The following C2CD2 variants were observed in gnomAD, a reference collection of about 807,000 sequenced individuals.
The protein encoded by C2CD2 is C2 domain-containing protein 2.
C2CD2 carries 43 observed loss-of-function variants against 74.3 expected under a neutral mutation model. That is an observed-to-expected ratio of 0.58 (90% CI 0.45 to 0.75). The LOEUF is 0.75. C2CD2 is among the 30% of genes least tolerant of loss of function. C2CD2 has a pLI of 0.00. For synonymous variants in C2CD2, 422 were observed against 390.7 expected (o/e 1.08, Z -0.94); for missense variants, 801 against 916.3 (o/e 0.87, Z 1.63).
At position 41,953,066 on chromosome 21, in the gene C2CD2, G is replaced by A. The variant is rs375221011; in HGVS notation, c.279+304C>T. On this transcript the variant is annotated intron_variant, in intron 1 of 13. Transcript: ENST00000380486. ...AATTCGCCCCGGGACTCCAGGCAAG[G>A]CAGGTACTGGCTGGCGCGGATGAGC... 2,711 of 342,358 alleles carry A rather than the reference G, an allele frequency of 7.9e-3. 21 individuals carry two copies. The highest frequency in any genetic ancestry group is 0.025 in the South Asian group (168 of 6,622). The allele number at this position is 342,358 out of a possible 1,614,324, so 21.2% of individuals were successfully genotyped here.
At chr21:41,906,005 G>A (rs977924671) in intron 10 of C2CD2, among the ~76,000 whole-genome samples, 168 bp from the exon 11 acceptor site, 5 of 152,206 alleles carry the variant, frequency 3.3e-5, no homozygotes, top group Non-Finnish European at 5.9e-5. Context: ...GTGGTGTCTG[G>A]AGTCCAGGTT....
intron 2 of C2CD2, among the ~76,000 whole-genome samples, chr21:41,934,911 G>T (rs146360007): frequency 6.6e-6 from 1 of 150,942 alleles, no homozygotes; most frequent in African/African-American, 2.4e-5. Context: ...TGTTTTTCCC[G>T]AGTAGAGTCT....
intron 8 of C2CD2, chr21:41,908,846 A>G (rs1038859803): frequency 1.3e-5 from 2 of 152,948 alleles, no homozygotes; most frequent in Non-Finnish European, 2.9e-5. Flanking sequence ...ACACACATAC[A>G]GGCCCACGTT....
intron 13 of C2CD2, among the ~76,000 whole-genome samples, chr21:41,897,146 C>T (rs1046870346): frequency 6.6e-4 from 100 of 152,268 alleles, no homozygotes; most frequent in African/African-American, 2.2e-3. Context: ...GTGGGTGACA[C>T]AGCAAGGATG....
At position 41,907,026 on chromosome 21, in the gene C2CD2, G is replaced by C. The variant is rs769197639; in HGVS notation, c.1284C>G (p.Arg428=). The change falls in exon 10 of 14, where the codon CGC becomes CGG. Residue 428 remains arginine, a synonymous_variant. Transcript: ENST00000380486. ...GCGGGGACGCCCTCCCCACGTCGAC[G>C]CGAGGCTTGGTCTTCACAGCAGTGA... ...TTVTAVKTKP[R]VDVGRASPLS... 2 of 1,614,008 alleles carry C rather than the reference G, an allele frequency of 1.2e-6. No homozygotes were observed. Among genetic ancestry groups the C allele is most frequent in the Non-Finnish European group, 1.7e-6 (2 of 1,179,944 alleles).
chr21:41,928,292 C>T (rs942423710), intron 2 of C2CD2, among the ~76,000 whole-genome samples: 1 of 152,112 alleles, frequency 6.6e-6, no homozygotes, highest in African/African-American at 2.4e-5. Flanking sequence ...AGGCCAAAGT[C>T]GGGCTGCACC....
At chr21:41,896,729 A>AT (rs927893892) in intron 13 of C2CD2, among the ~76,000 whole-genome samples, 1 of 149,366 alleles carries the variant, frequency 6.7e-6, no homozygotes. Context: ...AAAAAAAAAA[A>AT]CAAGCTTTAG....
In C2CD2 at chr21:41,928,695, C is replaced by A. The variant is rs1026284684; in HGVS notation, c.379-6610G>T. On this transcript the variant is annotated intron_variant, in intron 2 of 13. Transcript: ENST00000380486. ...GGACAGAGCAGGGGACCGCCCCCCACCCCCCAATCCCGCAGCTCTCAGGGC... is the reference window on the plus strand; with the variant it reads ...GGACAGAGCAGGGGACCGCCCCCCAACCCCCAATCCCGCAGCTCTCAGGGC... Among the ~76,000 whole-genome samples, 4 of 152,210 alleles carry A rather than the reference C, an allele frequency of 2.6e-5. No homozygotes were observed. The East Asian group carries it at 5.8e-4, about 22-fold the overall frequency.
rs1046222299 is a variant in C2CD2 at position 41,887,855 on chromosome 21, C to T, written c.*1269G>A. On this transcript the variant is annotated 3_prime_UTR_variant, in exon 14 of 14. Coordinates refer to ENST00000380486, the MANE Select transcript of C2CD2 (RefSeq NM_015500.2). ...ATATTAAACTGTCAAGAACACTTCA[C>T]CCCAATGATGACTGCTCTTTGACCA... 5 of 152,204 alleles carry T rather than the reference C, an allele frequency of 3.3e-5. No individual in the cohort carries two copies. The highest frequency in any genetic ancestry group is 2.6e-4 in the Admixed American group (4 of 15,276). The allele number at this position is 152,204 out of a possible 1,614,324, so 9.4% of individuals were successfully genotyped here. A position where few individuals can be genotyped will look rare whatever the true frequency, so the allele number is the denominator to read the frequency against.
At chr21:41,951,550 G>C (rs1320033284) in intron 1 of C2CD2, among the ~76,000 whole-genome samples, 2 of 152,152 alleles carry the variant, frequency 1.3e-5, no homozygotes, top group Non-Finnish European at 2.9e-5. Context: ...ACAGCAGAGA[G>C]AGAACAGAGA....
At chr21:41,942,969 C>T (rs528980456) in intron 1 of C2CD2, 5 of 984,248 alleles carry the variant, frequency 5.1e-6, no homozygotes, top group South Asian at 4.7e-5. Flanking sequence ...CCAGGAAACT[C>T]GGTCAGCTCA....
rs1259994825 is a variant in C2CD2, at chr21:41,918,271, A to G, written c.598-44T>C. The stretch of plus-strand genomic sequence containing the variant: ...GTTGACAAATCGCCTTTGCAAGCCC[A>G]CTCCCTGCTCCCAATCTCACGTCTT... On this transcript the variant is annotated intron_variant, in intron 4 of 13. Coordinates refer to ENST00000380486, the MANE Select transcript of C2CD2 (RefSeq NM_015500.2). The G allele has an allele frequency of 4.4e-6, 7 of 1,604,324 alleles. No homozygotes were observed. In the South Asian group the frequency reaches 5.6e-5, roughly 13 times the overall value.
At chr21:41,910,045 G>C (rs1455686231) in intron 7 of C2CD2, among the ~76,000 whole-genome samples, 1 of 149,768 alleles carries the variant, frequency 6.7e-6, no homozygotes, top group Non-Finnish European at 1.5e-5. Context: ...CGTTGCCCAG[G>C]CTGGTGTCGA....
chr21:41,907,568 G>A, intron 9 of C2CD2, 92 bp downstream of exon 9: 1 of 1,367,216 alleles, frequency 7.3e-7, no homozygotes, highest in Non-Finnish European at 1.0e-6. Flanking sequence ...TCACACAGAG[G>A]CAGGAGTGAG....
intron 2 of C2CD2, among the ~76,000 whole-genome samples, chr21:41,935,820 G>T (rs371712503): frequency 3.7e-4 from 56 of 152,112 alleles, no homozygotes; most frequent in African/African-American, 1.2e-3. Context: ...CTCCAGCCTG[G>T]GTAACAGAGC....
rs754772064 is a variant in C2CD2, at chr21:41,942,250, A to C, written c.280-5T>G. On this transcript the variant is annotated splice_region_variant and splice_polypyrimidine_tract_variant and intron_variant, in intron 1 of 13. Coordinates refer to ENST00000380486, the MANE Select transcript of C2CD2 (RefSeq NM_015500.2). The stretch of plus-strand genomic sequence containing the variant: ...AAAGGACAGGAAAGGTGGGCCCTGG[A>C]ACAGAGGGGCAGCATGAGGAGGGCA... 6.5e-7 allele frequency: 1 copy of C among 1,549,060 alleles called. No individual in the cohort carries two copies. Among genetic ancestry groups the C allele is most frequent in the Non-Finnish European group, 8.7e-7 (1 of 1,146,010 alleles).
rs117946389 is a variant in C2CD2, at chr21:41,894,179, G to A, written c.1871-4835C>T. On this transcript the variant is annotated intron_variant, in intron 13 of 13. Transcript: ENST00000380486. ...TCTCGAACAGGGCACAGTCATGTGC[G>A]GGTGGGGACTGAGGTTTGCAGTTCT... is the stretch of plus-strand genomic sequence containing the variant. Among the ~76,000 whole-genome samples, 765 of 152,284 alleles carry A rather than the reference G, an allele frequency of 5.0e-3. 5 individuals carry two copies. Among genetic ancestry groups the A allele is most frequent in the African/African-American group, 6.7e-3 (278 of 41,558 alleles).
rs2064807092 is a variant in C2CD2 at position 41,895,088 on chromosome 21, G to T, written c.1870+3965C>A. 1 of 400,178 alleles carries T rather than the reference G, an allele frequency of 2.5e-6. No individual in the cohort carries two copies. Among genetic ancestry groups the T allele is most frequent in the Non-Finnish European group, 5.1e-6 (1 of 196,564 alleles). The allele number at this position is 400,178 out of a possible 1,614,324, so 24.8% of individuals were successfully genotyped here. On this transcript the variant is annotated intron_variant, in intron 13 of 13. Transcript: ENST00000380486. This position sits in a 1 kb window ranked among gnomAD's most constrained non-coding sequence, Gnocchi z 5.0. Reference sequence around the variant, plus strand: ...CAGCCAGTGGACTTTAAGGAAAGGAGATTATCCTGGAGAATGTGGGTAGGC... The same window carrying T: ...CAGCCAGTGGACTTTAAGGAAAGGATATTATCCTGGAGAATGTGGGTAGGC...
At chr21:41,902,152 T>C (rs370585606) in intron 11 of C2CD2, among the ~76,000 whole-genome samples, 12 of 152,280 alleles carry the variant, frequency 7.9e-5, no homozygotes, top group African/African-American at 2.6e-4. Flanking sequence ...AAGTTATACC[T>C]GAATAGAGTT....
Sources: gnomAD v4.1 joint callset for allele counts (sites outside exome capture counted in the v4.1 genomes callset) on GRCh38, gnomAD v4.1.1 for gene constraint, Gnocchi (gnomAD v3.1) non-coding constraint, MANE v1.5 for transcripts, NCBI Gene and HGNC (gene_info 2026-07-23, HGNC 2026-07-21) for gene names.